The following SLC39A10 variants were observed in gnomAD, a reference collection of about 807,000 sequenced individuals.
SLC39A10 encodes zinc transporter ZIP10.
Under a neutral mutation model 65.1 loss-of-function variants are expected in SLC39A10, and 13 were observed. The ratio of observed to expected loss-of-function variants is 0.20; its 90% CI spans 0.13 to 0.32. The LOEUF (loss-of-function observed/expected upper bound fraction) is 0.32, where lower values mean the gene tolerates loss of function less well. Ranked by LOEUF, SLC39A10 falls within the 10% of genes least tolerant of loss-of-function variation. SLC39A10 has a pLI of 1.00. For missense variants in SLC39A10, 831 were observed against 1,018.4 expected (o/e 0.82, Z 2.50); for synonymous variants, 321 against 342.2 (o/e 0.94, Z 0.68).
At chr2:195,710,321 G>C (rs1327299925) in intron 5 of SLC39A10, among the ~76,000 whole-genome samples, 1 of 152,086 alleles carries the variant, frequency 6.6e-6, no homozygotes, top group African/African-American at 2.4e-5. Context: ...AGTATATTCT[G>C]TTTAAGTAAA....
intron 8 of SLC39A10, among the ~76,000 whole-genome samples, chr2:195,723,133 T>C (rs909342283): frequency 6.6e-6 from 1 of 152,196 alleles, no homozygotes. Flanking sequence ...TTCAGGGAAT[T>C]TGACTGTAAG....
At chr2:195,725,876 C>T (rs1322922033) in intron 8 of SLC39A10, among the ~76,000 whole-genome samples, 1 of 152,076 alleles carries the variant, frequency 6.6e-6, no homozygotes, top group African/African-American at 2.4e-5. Flanking sequence ...TGTGTGCTTC[C>T]ATTTAGATGA....
chr2:195,716,214 C>A (rs1453391417), intron 6 of SLC39A10, among the ~76,000 whole-genome samples: 1 of 152,114 alleles, frequency 6.6e-6, no homozygotes, highest in East Asian at 1.9e-4. Context: ...TCTCAGTAGG[C>A]TGCTGCAATA....
At chr2:195,662,697 G>A (rs1012499469) in intron 1 of SLC39A10, among the ~76,000 whole-genome samples, 6 of 151,900 alleles carry the variant, frequency 3.9e-5, no homozygotes, top group African/African-American at 9.7e-5. Context: ...TTAAAATAGT[G>A]GTTTCCCCTA....
At chr2:195,729,961 ATTTTT>A (rs58936616) in intron 9 of SLC39A10, among the ~76,000 whole-genome samples, 4 of 92,134 alleles carry the variant, frequency 4.3e-5, no homozygotes, top group East Asian at 5.2e-4. Flanking sequence ...ACCATGCCTA[ATTTTT>A]TTTTTTTTTT....
At chr2:195,649,252 T>C (rs762592518) in intron 2 of SLC39A10, among the ~76,000 whole-genome samples, 6 of 152,204 alleles carry the variant, frequency 3.9e-5, no homozygotes, top group African/African-American at 9.6e-5. Flanking sequence ...ATACAAAATA[T>C]AATCCAAGCT....
At chr2:195,705,681 T>C (rs185453064) in intron 3 of SLC39A10, among the ~76,000 whole-genome samples, 2 of 152,194 alleles carry the variant, frequency 1.3e-5, no homozygotes, top group African/African-American at 4.8e-5. Context: ...TTAAAATCTT[T>C]ATAAAATTAT....
chr2:195,681,187 G>A (rs1690297751), intron 2 of SLC39A10, 137 bp downstream of exon 2: 2 of 906,242 alleles, frequency 2.2e-6, no homozygotes, highest in Non-Finnish European at 3.2e-6. Context: ...GAAATATCAG[G>A]TAATGTTCAT....
intron 2 of SLC39A10, among the ~76,000 whole-genome samples, chr2:195,631,815 T>C (rs1455428683): frequency 6.6e-6 from 1 of 152,238 alleles, no homozygotes; most frequent in Admixed American, 6.5e-5. Context: ...TGCTTCATCT[T>C]ACCATGACTG....
chr2:195,730,501 C>G lies in SLC39A10; in HGVS notation c.2337+2152C>G, dbSNP rs192841264. Among the ~76,000 whole-genome samples the G allele has an allele frequency of 5.2e-3, 794 of 152,248 alleles. 3 individuals carry two copies. The highest frequency in any genetic ancestry group is 7.8e-3 in the Non-Finnish European group (532 of 68,002). On this transcript the variant is annotated intron_variant, in intron 9 of 9. Transcript: ENST00000359634. ...TGTGCCATCACGCCCAGTCTTTTGT[C>G]AGTAGGTTTCTATAATACCACAATT...
intron 2 of SLC39A10, among the ~76,000 whole-genome samples, chr2:195,628,255 C>G (rs147998508): frequency 0.013 from 1,959 of 152,276 alleles, 94 homozygotes; most frequent in Admixed American, 0.078. Flanking sequence ...TCATATATCA[C>G]AGTTGCTCCA....
intron 2 of SLC39A10, among the ~76,000 whole-genome samples, chr2:195,637,181 A>C (rs1688712602): frequency 6.6e-6 from 1 of 152,164 alleles, no homozygotes; most frequent in Admixed American, 6.5e-5. Context: ...AAAGATTATC[A>C]TGTCTCAGGG....
At chr2:195,653,306 T>C (rs957477926), upstream of SLC39A10, among the ~76,000 whole-genome samples, 1 of 151,824 alleles carries the variant, frequency 6.6e-6, no homozygotes, top group African/African-American at 2.4e-5. Context: ...TTTTTTTTTT[T>C]TTTTTGAGAC....
chr2:195,642,053 G>C (rs1688821369), intron 2 of SLC39A10, among the ~76,000 whole-genome samples: 1 of 152,172 alleles, frequency 6.6e-6, no homozygotes, highest in African/African-American at 2.4e-5. Context: ...TATGGGAGCA[G>C]ATTAGGGCAG....
At chr2:195,707,038 A>AG (rs1184528692) in intron 4 of SLC39A10, among the ~76,000 whole-genome samples, 8 of 152,188 alleles carry the variant, frequency 5.3e-5, no homozygotes, top group African/African-American at 1.9e-4. Flanking sequence ...CAATATCAGT[A>AG]GCAGTGAGTG....
chr2:195,686,756 G>T (rs1001060629), intron 3 of SLC39A10, among the ~76,000 whole-genome samples: 8 of 152,190 alleles, frequency 5.3e-5, no homozygotes, highest in Non-Finnish European at 1.2e-4. Context: ...GCAGAGCCAT[G>T]CTATGAACTA....
chr2:195,681,024 C>G lies in SLC39A10; in HGVS notation c.982C>G (p.Leu328Val). The change falls in exon 2 of 10, where the codon CTA (leucine) becomes GTA (valine). Residue 328 changes from leucine (L) to valine (V), a missense_variant. By Grantham distance (32) the Leu-to-Val change is conservative. This residue lies in a region of SLC39A10 where 446 missense variants were observed against 499.2 expected (regional missense o/e 0.89). Coordinates refer to ENST00000359634, the MANE Select transcript of SLC39A10 (RefSeq NM_020342.3). Reference protein sequence around the residue: ...NNAIISLRKDLNEDDHHHECL... With the variant: ...NNAIISLRKDVNEDDHHHECL... ...TGCAATAATTTCTTTGAGAAAAGATCTAAATGAAGATGACCATCATCATGA... is the reference window on the plus strand; with the variant it reads ...TGCAATAATTTCTTTGAGAAAAGATGTAAATGAAGATGACCATCATCATGA... 6.2e-7 allele frequency: 1 copy of G among 1,610,686 alleles called. No homozygotes were observed. Among genetic ancestry groups the G allele is most frequent in the Non-Finnish European group, 8.5e-7 (1 of 1,177,908 alleles).
intron 4 of SLC39A10, among the ~76,000 whole-genome samples, chr2:195,708,116 A>C (rs1361315499): frequency 6.6e-6 from 1 of 152,156 alleles, no homozygotes; most frequent in Non-Finnish European, 1.5e-5. Flanking sequence ...TTATAAGAGA[A>C]GAAACTGATG....
chr2:195,695,024 G>T (rs1690891923), intron 3 of SLC39A10, among the ~76,000 whole-genome samples: 4 of 152,144 alleles, frequency 2.6e-5, no homozygotes, highest in African/African-American at 7.2e-5. Context: ...TCGCAGGTAG[G>T]CATCCCAGAT....
Sources: allele counts gnomAD v4.1 joint callset (sites outside exome capture counted in the v4.1 genomes callset), GRCh38; gene constraint gnomAD v4.1.1; regional missense constraint gnomAD v4.1.1; transcripts MANE v1.5; gene names NCBI Gene and HGNC (gene_info 2026-07-23, HGNC 2026-07-21).